Variants in ESRRG observed in about 807,000 individuals in gnomAD.
The protein encoded by ESRRG is estrogen related receptor gamma.
A neutral mutation model predicts 44.0 loss-of-function variants in ESRRG; 13 were observed. The ratio of observed to expected loss-of-function variants is 0.30; its 90% CI spans 0.19 to 0.47. The LOEUF (loss-of-function observed/expected upper bound fraction) is 0.47. ESRRG is among the 20% of genes least tolerant of loss of function. ESRRG has a pLI of 1.00. For synonymous variants in ESRRG, 215 were observed against 214.6 expected (o/e 1.00, Z -0.02); for missense variants, 395 against 580.6 (o/e 0.68, Z 3.29).
At chr1:216,704,348 T>C (rs2151904914) in intron 1 of ESRRG, among the ~76,000 whole-genome samples, 1 of 152,258 alleles carries the variant, frequency 6.6e-6, no homozygotes, top group South Asian at 2.1e-4. Flanking sequence ...ACCCTATCTC[T>C]ACTAAAAATA....
At chr1:216,685,138 G>A (rs1161870298) in intron 1 of ESRRG, among the ~76,000 whole-genome samples, 2 of 152,116 alleles carry the variant, frequency 1.3e-5, no homozygotes, top group Non-Finnish European at 2.9e-5. Flanking sequence ...AACCATTTGG[G>A]TAGTACATGT....
intron 1 of ESRRG, among the ~76,000 whole-genome samples, chr1:217,109,819 A>C (rs2092640848): frequency 6.6e-6 from 1 of 152,146 alleles, no homozygotes; most frequent in Non-Finnish European, 1.5e-5. Context: ...GAAAGCAAAA[A>C]ACCCTAAGAG....
chr1:216,808,860 C>T (rs959211896), intron 2 of ESRRG, among the ~76,000 whole-genome samples: 1 of 152,122 alleles, frequency 6.6e-6, no homozygotes, highest in African/African-American at 2.4e-5. Flanking sequence ...AATCATTAAG[C>T]AGAACATCAA....
chr1:216,508,475 C>A (rs1430866082), intron 6 of ESRRG, among the ~76,000 whole-genome samples: 7 of 152,104 alleles, frequency 4.6e-5, no homozygotes, highest in Admixed American at 3.9e-4. Context: ...TTCTGCCTGG[C>A]AGAGCAAAAA....
intron 1 of ESRRG, among the ~76,000 whole-genome samples, chr1:217,035,415 C>T (rs1043265051): frequency 2.7e-5 from 4 of 149,190 alleles, no homozygotes; most frequent in East Asian, 4.0e-4. Context: ...CTAGTGGGTA[C>T]ATAAGATCTC....
intron 2 of ESRRG, among the ~76,000 whole-genome samples, chr1:216,764,947 C>G (rs966083903): frequency 2.0e-5 from 3 of 152,024 alleles, no homozygotes; most frequent in African/African-American, 7.2e-5. Context: ...TTGTGTGGAA[C>G]AGCCGCCCTT....
chr1:216,640,283 G>C (rs1360010677), intron 3 of ESRRG, among the ~76,000 whole-genome samples: 2 of 152,108 alleles, frequency 1.3e-5, no homozygotes, highest in Non-Finnish European at 2.9e-5. Flanking sequence ...AGGGAATTTG[G>C]CTAGCACCGG....
At chr1:217,051,073 T>C (rs973455986) in intron 1 of ESRRG, among the ~76,000 whole-genome samples, 3 of 152,002 alleles carry the variant, frequency 2.0e-5, no homozygotes, top group Non-Finnish European at 2.9e-5. Context: ...AGAAAGGTTT[T>C]GTGAAAGACT....
At chr1:216,607,816 G>A (rs376848945) in intron 3 of ESRRG, among the ~76,000 whole-genome samples, 34 of 152,176 alleles carry the variant, frequency 2.2e-4, no homozygotes, top group African/African-American at 7.2e-4. Context: ...AATTCTTTGC[G>A]TGGCTTTTTT....
intron 1 of ESRRG, among the ~76,000 whole-genome samples, chr1:217,130,141 C>T (rs1434816040): frequency 5.3e-5 from 8 of 152,126 alleles, no homozygotes; most frequent in African/African-American, 1.9e-4. Flanking sequence ...GTCCTTATTC[C>T]CTTTATTTCA....
At chr1:216,871,258 G>A (rs2096255641) in intron 2 of ESRRG, among the ~76,000 whole-genome samples, 1 of 151,966 alleles carries the variant, frequency 6.6e-6, no homozygotes, top group Non-Finnish European at 1.5e-5. Flanking sequence ...ATTTAGAAAT[G>A]TGTTGTCAAA....
At chr1:216,946,720 T>A (rs1035533313) in intron 1 of ESRRG, among the ~76,000 whole-genome samples, 1 of 152,132 alleles carries the variant, frequency 6.6e-6, no homozygotes, top group African/African-American at 2.4e-5. Context: ...CCTTTTTTCT[T>A]TCTTTCTTTG....
intron 1 of ESRRG, among the ~76,000 whole-genome samples, chr1:217,089,218 A>T (rs2092279261): frequency 6.6e-6 from 1 of 151,958 alleles, no homozygotes; most frequent in Non-Finnish European, 1.5e-5. Flanking sequence ...GGGGGATGGG[A>T]GGGGTGTTTA....
At chr1:216,640,074 T>A (rs989504035) in intron 3 of ESRRG, among the ~76,000 whole-genome samples, 3 of 152,194 alleles carry the variant, frequency 2.0e-5, no homozygotes, top group African/African-American at 7.2e-5. Context: ...CTGAAATCCA[T>A]CACACCTGAG....
At chr1:216,917,438 C>T (rs1232553902) in intron 2 of ESRRG, among the ~76,000 whole-genome samples, 1 of 152,096 alleles carries the variant, frequency 6.6e-6, no homozygotes, top group Non-Finnish European at 1.5e-5. Flanking sequence ...GTTTCTCATC[C>T]ATTAAAAGGG....
chr1:216,910,120 T>G (rs1404017597), intron 2 of ESRRG, among the ~76,000 whole-genome samples: 1 of 152,020 alleles, frequency 6.6e-6, no homozygotes, highest in Non-Finnish European at 1.5e-5. Context: ...TTTATATGAA[T>G]ATAAGAAAAA....
At chr1:216,857,723 A>T (rs968244811) in intron 2 of ESRRG, among the ~76,000 whole-genome samples, 1,269 of 74,134 alleles carry the variant, frequency 0.017, 14 homozygotes, top group East Asian at 0.044. Context: ...GCCAGATTTA[A>T]AAAAAAAAAA....
At chr1:216,569,681 A>G (rs7535976) in intron 3 of ESRRG, among the ~76,000 whole-genome samples, 128,807 of 152,194 alleles carry the variant, frequency 0.85, 54,870 homozygotes, top group Middle Eastern at 0.88. Flanking sequence ...GCAATATTAC[A>G]TTGTACTTTA....
chr1:216,753,725 C>T lies in ESRRG; in HGVS notation c.-13-76234G>A, dbSNP rs114205004. Among the ~76,000 whole-genome samples the T allele has an allele frequency of 5.5e-3, 839 of 152,060 alleles. 6 individuals are homozygous for T. Among genetic ancestry groups the T allele is most frequent in the African/African-American group, 0.019 (789 of 41,502 alleles). Reference sequence around the variant, plus strand: ...ATAGTCCAAATAAACTTAAAGCATACCTAATTTCTTAGCTGAAAAGCCAGG... The same window carrying T: ...ATAGTCCAAATAAACTTAAAGCATATCTAATTTCTTAGCTGAAAAGCCAGG... On this transcript the variant is annotated intron_variant, in intron 2 of 7. Transcript: ENST00000359162.
Sources: allele counts gnomAD v4.1 joint callset (sites outside exome capture counted in the v4.1 genomes callset), GRCh38; gene constraint gnomAD v4.1.1; transcripts MANE v1.5; gene names NCBI Gene and HGNC (gene_info 2026-07-23, HGNC 2026-07-21).